Variants in NDUFA5 observed in about 807,000 individuals in gnomAD.
The protein encoded by NDUFA5 is NADH dehydrogenase [ubiquinone] 1 alpha subcomplex subunit 5.
Under a neutral mutation model 19.8 loss-of-function variants are expected in NDUFA5, and 11 were observed. The observed-to-expected ratio is 0.56, with a 90% CI of 0.35 to 0.92. NDUFA5 has a LOEUF of 0.92. Ranked by LOEUF, NDUFA5 falls within the 40% of genes least tolerant of loss-of-function variation. The pLI, the probability that NDUFA5 is intolerant of heterozygous loss-of-function variation, is 0.01. For missense variants in NDUFA5, 109 were observed against 134.2 expected (o/e 0.81, Z 0.93); for synonymous variants, 47 against 46.8 (o/e 1.00, Z -0.01).
At chr7:123,555,472 T>C (rs1443273390) in intron 2 of NDUFA5, 1 of 152,116 alleles carries the variant, frequency 6.6e-6, no homozygotes, top group Non-Finnish European at 1.5e-5. Flanking sequence ...GGAATGAATA[T>C]GAGAGTACAA....
the NDUFA5 span, among the ~76,000 whole-genome samples, chr7:123,578,204 T>A: frequency 2.0e-5 from 3 of 150,392 alleles, no homozygotes; most frequent in African/African-American, 7.3e-5. Flanking sequence ...GATCATCTAT[T>A]ACTGTTTTCA....
intron 2 of NDUFA5, chr7:123,555,561 C>G (rs1457278570): frequency 1.3e-5 from 2 of 152,174 alleles, no homozygotes; most frequent in Non-Finnish European, 2.9e-5. Context: ...AAGAAAAATA[C>G]AGCCCACAGA....
Position 123,537,222 on chromosome 7 carries a change from C to A in NDUFA5, c.*4897G>T, listed in dbSNP as rs1361418896. 1 of 152,110 alleles carries A rather than the reference C, an allele frequency of 6.6e-6. No homozygotes were observed. Among genetic ancestry groups the A allele is most frequent in the African/African-American group, 2.4e-5 (1 of 41,418 alleles). The allele number at this position is 152,110 out of a possible 1,614,324, so 9.4% of individuals were successfully genotyped here. A position where few individuals can be genotyped will look rare whatever the true frequency, so the allele number is the denominator to read the frequency against. On this transcript the variant is annotated 3_prime_UTR_variant, in exon 5 of 5. Coordinates refer to ENST00000355749, the MANE Select transcript of NDUFA5 (RefSeq NM_005000.5). ...GCATTTATTTATGTAATAAACATTT[C>A]TTTTGATGTGCTTTTATTTTTACAA...
chr7:123,585,612 C>A, the NDUFA5 span, among the ~76,000 whole-genome samples: 1 of 150,568 alleles, frequency 6.6e-6, no homozygotes, highest in South Asian at 2.1e-4. Context: ...ATTAACATAT[C>A]CATCACCTTA....
the NDUFA5 span, among the ~76,000 whole-genome samples, chr7:123,586,493 T>G: frequency 6.1e-3 from 927 of 151,950 alleles, 13 homozygotes; most frequent in African/African-American, 0.021. Flanking sequence ...GTAAATATTT[T>G]CTCCCTTGGT....
chr7:123,544,474 G>T (rs1798051834), intron 4 of NDUFA5, among the ~76,000 whole-genome samples: 1 of 144,398 alleles, frequency 6.9e-6, no homozygotes, highest in Non-Finnish European at 1.5e-5. Flanking sequence ...CTCCAGCCTG[G>T]GCAACAAGAG....
In NDUFA5 at chr7:123,541,962, G is replaced by C. The variant is rs1704500445; in HGVS notation, c.*157C>G. The C allele has an allele frequency of 2.4e-6, 1 of 423,110 alleles. No individual in the cohort carries two copies. Among genetic ancestry groups the C allele is most frequent in the Non-Finnish European group, 4.1e-6 (1 of 244,986 alleles). 26.2% of individuals were successfully genotyped at this position (423,110 alleles called of 1,614,324 possible). On this transcript the variant is annotated 3_prime_UTR_variant, in exon 5 of 5. Coordinates refer to ENST00000355749, the MANE Select transcript of NDUFA5 (RefSeq NM_005000.5). ...TTATAAATCAAAAATTGATTCACATGACCATATTACCATAATCACCAATTT... is the reference window on the plus strand; with the variant it reads ...TTATAAATCAAAAATTGATTCACATCACCATATTACCATAATCACCAATTT...
chr7:123,552,636 T>TAAAAA (rs774901648), intron 2 of NDUFA5, among the ~76,000 whole-genome samples: 7,889 of 66,924 alleles, frequency 0.12, 457 homozygotes, highest in East Asian at 0.17. Context: ...AAAGTATAAC[T>TAAAAA]AAAAAAAAAA....
the NDUFA5 span, among the ~76,000 whole-genome samples, chr7:123,597,930 G>A: frequency 7.7e-4 from 64 of 83,148 alleles, no homozygotes; most frequent in African/African-American, 2.1e-3. Context: ...GTGTGTGTGT[G>A]TGTGTGTGTG....
chr7:123,596,082 T>C, the NDUFA5 span, among the ~76,000 whole-genome samples: 1 of 152,168 alleles, frequency 6.6e-6, no homozygotes, highest in Non-Finnish European at 1.5e-5. Context: ...ACTTATACTG[T>C]TCTACTAAAG....
At chr7:123,585,617 A>G in the NDUFA5 span, among the ~76,000 whole-genome samples, 1 of 149,432 alleles carries the variant, frequency 6.7e-6, no homozygotes, top group East Asian at 2.0e-4. Context: ...CATATCCATC[A>G]CCTTACATAG....
intron 3 of NDUFA5, among the ~76,000 whole-genome samples, chr7:123,547,549 T>TA (rs1291899543): frequency 6.6e-6 from 1 of 151,906 alleles, no homozygotes; most frequent in Non-Finnish European, 1.5e-5. Flanking sequence ...AGTGAATACA[T>TA]AAAAAACAGC....
At chr7:123,588,907 C>A in the NDUFA5 span, among the ~76,000 whole-genome samples, 1 of 151,036 alleles carries the variant, frequency 6.6e-6, no homozygotes, top group Non-Finnish European at 1.5e-5. Flanking sequence ...GTTTCTTGTT[C>A]CATACCATTG....
intron 3 of NDUFA5, chr7:123,546,669 C>G: frequency 2.3e-6 from 3 of 1,284,794 alleles, no homozygotes; most frequent in African/African-American, 1.5e-5. Context: ...TTTTGCTTTT[C>G]AACACAAGAC....
At chr7:123,574,859 T>G in the NDUFA5 span, among the ~76,000 whole-genome samples, 1 of 152,130 alleles carries the variant, frequency 6.6e-6, no homozygotes, top group Non-Finnish European at 1.5e-5. Flanking sequence ...CTCTTTTTAT[T>G]TTTTCTATTT....
At chr7:123,551,996 A>C (rs1798358170) in intron 2 of NDUFA5, among the ~76,000 whole-genome samples, 1 of 152,198 alleles carries the variant, frequency 6.6e-6, no homozygotes. Flanking sequence ...TAGGGTGGAC[A>C]CTTAGTTTAT....
chr7:123,565,673 G>A, the NDUFA5 span, among the ~76,000 whole-genome samples: 2 of 152,286 alleles, frequency 1.3e-5, no homozygotes, highest in Admixed American at 1.3e-4. Context: ...TTGAGGTCAC[G>A]AGTTCAAGAC....
At chr7:123,582,121 A>T in the NDUFA5 span, among the ~76,000 whole-genome samples, 1 of 151,984 alleles carries the variant, frequency 6.6e-6, no homozygotes, top group Non-Finnish European at 1.5e-5. Context: ...GCTCAAGCTG[A>T]TCATGATCTT....
intron 2 of NDUFA5, chr7:123,556,134 A>G (rs1187311311): frequency 6.6e-6 from 1 of 152,206 alleles, no homozygotes; most frequent in Non-Finnish European, 1.5e-5. Context: ...GAAGGAATCA[A>G]AGATGATTTC....
Sources: allele counts gnomAD v4.1 joint callset (sites outside exome capture counted in the v4.1 genomes callset), GRCh38; gene constraint gnomAD v4.1.1; transcripts MANE v1.5; gene names NCBI Gene and HGNC (gene_info 2026-07-23, HGNC 2026-07-21).